PRKN: variants seen among roughly 807,000 people sequenced by gnomAD.
PRKN encodes the protein parkin RBR E3 ubiquitin protein ligase, also known as E3 ubiquitin-protein ligase parkin.
PRKN carries 56 observed loss-of-function variants against 59.5 expected under a neutral mutation model. The observed-to-expected ratio is 0.94, with a 90% CI of 0.76 to 1.18. PRKN has a LOEUF of 1.18. PRKN is among the 50% of genes most tolerant of loss of function. PRKN has a pLI of 0.00. For synonymous variants in PRKN, 250 were observed against 222.1 expected (o/e 1.13, Z -1.12); for missense variants, 657 against 596.4 (o/e 1.10, Z -1.06).
At chr6:162,604,846 A>C (rs543712185) in intron 1 of PRKN, among the ~76,000 whole-genome samples, 82 of 152,214 alleles carry the variant, frequency 5.4e-4, no homozygotes, top group African/African-American at 1.9e-3. Context: ...CTCCAGCAAA[A>C]GTGCAACTGG....
At chr6:162,373,419 A>G (rs1217397156) in intron 2 of PRKN, among the ~76,000 whole-genome samples, 1 of 152,176 alleles carries the variant, frequency 6.6e-6, no homozygotes, top group Admixed American at 6.5e-5. Flanking sequence ...TTGACCTGTT[A>G]TTTGACATTT....
chr6:162,234,420 T>A (rs1778556940), intron 3 of PRKN, among the ~76,000 whole-genome samples: 1 of 152,158 alleles, frequency 6.6e-6, no homozygotes, highest in Admixed American at 6.5e-5. Flanking sequence ...ATGACACAAG[T>A]CATATGTTTT....
chr6:162,011,418 AT>A lies in PRKN; in HGVS notation c.619-38002del, dbSNP rs1239819507. 2.2e-3 allele frequency among the ~76,000 whole-genome samples: 43 copies of A among 19,574 alleles called. 3 individuals are homozygous for A. Among genetic ancestry groups the A allele is most frequent in the Non-Finnish European group, 2.8e-3 (38 of 13,562 alleles). The allele number at this position is 19,574 out of a possible 152,430, so 12.8% of individuals were successfully genotyped here. A position where few individuals can be genotyped will look rare whatever the true frequency, so the allele number is the denominator to read the frequency against. On this transcript the variant is annotated intron_variant, in intron 5 of 11. Transcript: ENST00000366898. The stretch of plus-strand genomic sequence containing the variant: ...ATATTATAAATATATAATATATTAT[AT>A]TTTATAATATATATGTTATATATTT...
chr6:161,715,080 A>G (rs1482864903), intron 7 of PRKN, among the ~76,000 whole-genome samples: 1 of 152,220 alleles, frequency 6.6e-6, no homozygotes, highest in Non-Finnish European at 1.5e-5. Context: ...TGCCAAAGAC[A>G]CAAGCAGCTG....
intron 3 of PRKN, among the ~76,000 whole-genome samples, chr6:162,224,097 T>C (rs549720587): frequency 6.6e-6 from 1 of 152,068 alleles, no homozygotes; most frequent in Non-Finnish European, 1.5e-5. Context: ...GATTTTTTTT[T>C]CCTTTTCTTA....
intron 4 of PRKN, among the ~76,000 whole-genome samples, chr6:162,161,223 G>A (rs1304642245): frequency 1.3e-5 from 2 of 152,158 alleles, no homozygotes; most frequent in Non-Finnish European, 2.9e-5. Context: ...CTAGGGATGC[G>A]ATCCCCAGAA....
chr6:162,534,656 T>C (rs1175903464), intron 1 of PRKN, among the ~76,000 whole-genome samples: 1 of 152,122 alleles, frequency 6.6e-6, no homozygotes, highest in Non-Finnish European at 1.5e-5. Flanking sequence ...ATGTACACCA[T>C]CTCCAGCCTC....
chr6:162,533,665 C>A (rs117289537), intron 1 of PRKN, among the ~76,000 whole-genome samples: 2,931 of 152,170 alleles, frequency 0.019, 85 homozygotes, highest in Admixed American at 0.042. Flanking sequence ...TTTGTCTGAG[C>A]ATGTATTTTC....
chr6:162,122,716 TTCTATCTATCTATCTA>T (rs71544924), intron 4 of PRKN, among the ~76,000 whole-genome samples: 74 of 147,920 alleles, frequency 5.0e-4, no homozygotes, highest in Non-Finnish European at 6.7e-4. Flanking sequence ...GCTCAATCTG[TTCTATCTATCTATCTA>T]TCTATCTATC....
chr6:161,362,539 A>T lies in PRKN; in HGVS notation c.1168-2334T>A, dbSNP rs1785017145. Among the ~76,000 whole-genome samples, 1 of 152,156 alleles carries T rather than the reference A, an allele frequency of 6.6e-6. No individual in the cohort carries two copies. The highest frequency in any genetic ancestry group is 2.1e-4 in the South Asian group (1 of 4,830). On this transcript the variant is annotated intron_variant, in intron 10 of 11. Transcript: ENST00000366898. This position sits in a 1 kb window ranked among gnomAD's most constrained non-coding sequence, Gnocchi z 5.2. ...AAAGCCCGCCCTGAAGAGATAATTG[A>T]CAGATATGTGCTGGTCTCAGGCTGG...
chr6:161,766,988 G>C (rs999035318), intron 7 of PRKN, among the ~76,000 whole-genome samples: 2 of 152,156 alleles, frequency 1.3e-5, no homozygotes, highest in African/African-American at 4.8e-5. Flanking sequence ...TCACTGTGAG[G>C]CTTATATATG....
chr6:162,548,035 C>T (rs1472454338), intron 1 of PRKN, among the ~76,000 whole-genome samples: 1 of 145,002 alleles, frequency 6.9e-6, no homozygotes, highest in African/African-American at 2.5e-5. Context: ...GAAGGTGGCC[C>T]CTACTTCCTC....
rs139069323 is a variant in PRKN at position 162,666,564 on chromosome 6, G to A, written c.7+61098C>T. Among the ~76,000 whole-genome samples, 255 of 152,086 alleles carry A rather than the reference G, an allele frequency of 1.7e-3. 11 individuals carry two copies. The East Asian group carries it at 0.045, about 27-fold the overall frequency. On this transcript the variant is annotated intron_variant, in intron 1 of 11. Transcript: ENST00000366898. Reference sequence around the variant, plus strand: ...AGAAAATAAGAACATAAATTCAGGAGGTGAATTAAGGTTGTTCACATGGAG... The same window carrying A: ...AGAAAATAAGAACATAAATTCAGGAAGTGAATTAAGGTTGTTCACATGGAG...
intron 7 of PRKN, among the ~76,000 whole-genome samples, chr6:161,580,802 T>G (rs2128137875): frequency 6.6e-6 from 1 of 151,462 alleles, no homozygotes; most frequent in South Asian, 2.1e-4. Context: ...AAGCAAGCAC[T>G]TATCAACTAG....
intron 6 of PRKN, among the ~76,000 whole-genome samples, chr6:161,909,759 A>G (rs1487041839): frequency 6.6e-6 from 1 of 152,192 alleles, no homozygotes; most frequent in Non-Finnish European, 1.5e-5. Context: ...ATTTCCACAA[A>G]TAGTCTATAA....
Position 161,844,030 on chromosome 6 carries a change from C to T in PRKN, c.735-58122G>A, listed in dbSNP as rs77513277. ...TACGTGAAGATGCAGATGAAGGACCCGAGGCTTAAGGCAACAAGAAAATTT... is the reference window on the plus strand; with the variant it reads ...TACGTGAAGATGCAGATGAAGGACCTGAGGCTTAAGGCAACAAGAAAATTT... On this transcript the variant is annotated intron_variant, in intron 6 of 11. Transcript: ENST00000366898. Among the ~76,000 whole-genome samples, 907 of 152,012 alleles carry T rather than the reference C, an allele frequency of 6.0e-3. 9 individuals are homozygous for T. Among genetic ancestry groups the T allele is most frequent in the African/African-American group, 0.021 (874 of 41,446 alleles).
At chr6:161,861,940 G>A (rs1044963605) in intron 6 of PRKN, among the ~76,000 whole-genome samples, 2 of 152,114 alleles carry the variant, frequency 1.3e-5, no homozygotes, top group Non-Finnish European at 2.9e-5. Flanking sequence ...AGTCTAACAC[G>A]ACTGTGCTTG....
chr6:162,656,533 T>C (rs563549539), intron 1 of PRKN, among the ~76,000 whole-genome samples: 8 of 152,346 alleles, frequency 5.3e-5, no homozygotes, highest in African/African-American at 1.4e-4. Flanking sequence ...AATCCGACAA[T>C]TGAATTGCCT....
At chr6:162,619,315 A>AG (rs1562442096) in intron 1 of PRKN, among the ~76,000 whole-genome samples, 1 of 72,818 alleles carries the variant, frequency 1.4e-5, no homozygotes, top group Non-Finnish European at 2.8e-5. Context: ...GCTAATTTTT[A>AG]ATTTTTTTTT....
Sources: gnomAD v4.1 joint callset for allele counts (sites outside exome capture counted in the v4.1 genomes callset) on GRCh38, gnomAD v4.1.1 for gene constraint, Gnocchi (gnomAD v3.1) non-coding constraint, MANE v1.5 for transcripts, NCBI Gene and HGNC (gene_info 2026-07-23, HGNC 2026-07-21) for gene names.